Variants in FSD1L observed in about 807,000 individuals in gnomAD.
FSD1L encodes fibronectin type III and SPRY domain containing 1 like, also known as FSD1-like protein.
Under a neutral mutation model 71.6 loss-of-function variants are expected in FSD1L, and 45 were observed. The observed-to-expected ratio is 0.63, with a 90% CI of 0.49 to 0.81. The LOEUF (loss-of-function observed/expected upper bound fraction) is 0.81. Ranked by LOEUF, FSD1L falls within the 30% of genes least tolerant of loss-of-function variation. The pLI, the probability that FSD1L is intolerant of heterozygous loss-of-function variation, is 0.00. For synonymous variants in FSD1L, 197 were observed against 207.2 expected, an observed-to-expected ratio of 0.95 and a Z score of 0.42; for missense variants, 561 against 618.1, an observed-to-expected ratio of 0.91 and a Z score of 0.98.
At chr9:105,493,446 CTT>C (rs1833103873) in intron 7 of FSD1L, among the ~76,000 whole-genome samples, 1 of 151,644 alleles carries the variant, frequency 6.6e-6, no homozygotes, top group South Asian at 2.1e-4. Flanking sequence ...GGTCTTGACT[CTT>C]TATCCAATTT....
chr9:105,534,082 AAG>A (rs1836107632), intron 10 of FSD1L, among the ~76,000 whole-genome samples: 4 of 152,330 alleles, frequency 2.6e-5, no homozygotes, highest in South Asian at 4.1e-4. Context: ...TGCTTATAAA[AAG>A]AGTTATTTAG....
At position 105,548,787 on chromosome 9, in the gene FSD1L, A is replaced by G. The variant is rs913709642; in HGVS notation, c.*2304A>G. ...TGTATTATTTGATACTAAATTTTCA[A>G]TTATTACTTCAAAATAAGAGTCTGA... On this transcript the variant is annotated 3_prime_UTR_variant, in exon 14 of 14. Transcript: ENST00000481272. The G allele has an allele frequency of 6.6e-5, 10 of 152,208 alleles. No homozygotes were observed. Among genetic ancestry groups the G allele is most frequent in the Middle Eastern group, 3.4e-3 (1 of 294 alleles). The allele number at this position is 152,208 out of a possible 1,614,324, so 9.4% of individuals were successfully genotyped here. A position where few individuals can be genotyped will look rare whatever the true frequency, so the allele number is the denominator to read the frequency against.
chr9:105,525,140 C>T (rs1835427521), intron 10 of FSD1L: 8 of 1,556,718 alleles, frequency 5.1e-6, no homozygotes, highest in East Asian at 2.2e-5. Flanking sequence ...ATCTTTCATG[C>T]TTTCATTGTC....
At chr9:105,491,438 C>G (rs1221803589) in intron 7 of FSD1L, among the ~76,000 whole-genome samples, 1 of 152,130 alleles carries the variant, frequency 6.6e-6, no homozygotes, top group African/African-American at 2.4e-5. Flanking sequence ...ATCATGTCGT[C>G]TGCAAACAGG....
intron 4 of FSD1L, among the ~76,000 whole-genome samples, chr9:105,471,068 A>G (rs1023205360): frequency 6.6e-6 from 1 of 152,126 alleles, no homozygotes; most frequent in African/African-American, 2.4e-5. Flanking sequence ...AATTGTCTTC[A>G]TCTACCACTA....
At chr9:105,450,355 T>C (rs1335752159) in intron 1 of FSD1L, among the ~76,000 whole-genome samples, 1 of 152,198 alleles carries the variant, frequency 6.6e-6, no homozygotes, top group African/African-American at 2.4e-5. Flanking sequence ...GAATGTTTGT[T>C]AGGCATTGGG....
chr9:105,489,018 T>A (rs1832740051), intron 7 of FSD1L, among the ~76,000 whole-genome samples: 2 of 152,144 alleles, frequency 1.3e-5, no homozygotes, highest in African/African-American at 4.8e-5. Context: ...ACAATTTTTT[T>A]AAGTTATAAT....
intron 1 of FSD1L, among the ~76,000 whole-genome samples, chr9:105,449,593 A>C (rs1356059564): frequency 6.6e-6 from 1 of 152,224 alleles, no homozygotes; most frequent in South Asian, 2.1e-4. Context: ...TCATCTATGC[A>C]GTAGAAGTAA....
intron 7 of FSD1L, among the ~76,000 whole-genome samples, chr9:105,489,261 T>A (rs1832760699): frequency 6.6e-6 from 1 of 152,162 alleles, no homozygotes; most frequent in Admixed American, 6.5e-5. Flanking sequence ...TGGGGCCCAC[T>A]GATCTACGAT....
chr9:105,526,451 T>C, intron 10 of FSD1L: 2 of 1,612,788 alleles, frequency 1.2e-6, no homozygotes, highest in Non-Finnish European at 1.7e-6. Context: ...TGACCTGGCC[T>C]CTCCAATGTC....
chr9:105,448,286 A>G (rs1347838204), intron 1 of FSD1L, 51 bp downstream of exon 1: 162 of 726,540 alleles, frequency 2.2e-4, no homozygotes, highest in Non-Finnish European at 2.9e-4. Flanking sequence ...GGGCCGGCAC[A>G]GGGTGGGCGG....
intron 10 of FSD1L, chr9:105,525,586 C>T (rs1400662517): frequency 1.7e-5 from 28 of 1,612,842 alleles, no homozygotes; most frequent in Admixed American, 1.2e-4. Flanking sequence ...CTGGGACAAA[C>T]GGAGGAGCTT....
chr9:105,457,097 A>T (rs564594259), intron 1 of FSD1L, among the ~76,000 whole-genome samples: 1 of 152,334 alleles, frequency 6.6e-6, no homozygotes, highest in African/African-American at 2.4e-5. Context: ...AAATGAAATG[A>T]CTATATGTAA....
chr9:105,447,061 C>G (rs1353296921), upstream of FSD1L, among the ~76,000 whole-genome samples: 1 of 152,132 alleles, frequency 6.6e-6, no homozygotes, highest in Non-Finnish European at 1.5e-5. Flanking sequence ...CTGTAACCCA[C>G]ACCTGTAATC....
Position 105,512,890 on chromosome 9 carries a change from G to C in FSD1L, c.979G>C (p.Gly327Arg). 1.3e-6 allele frequency: 2 copies of C among 1,541,946 alleles called. No homozygotes were observed. The highest frequency in any genetic ancestry group is 1.8e-6 in the Non-Finnish European group (2 of 1,142,570). ...DTCVEWDPTGGKGQESKIKGK... is the reference protein window; with the variant it reads ...DTCVEWDPTGRKGQESKIKGK... ...ATGTGTAGAGTGGGATCCTACTGGA[G>C]GAAAAGGTCAAGAAAGTAAAATTAA... The change falls in exon 10 of 14, where the codon GGA becomes CGA. Residue 327 changes from glycine to arginine, a missense_variant. This residue lies in a region of FSD1L where 410 missense variants were observed against 413.5 expected (regional missense o/e 0.99). Coordinates refer to ENST00000481272, the MANE Select transcript of FSD1L (RefSeq NM_001145313.3).
At chr9:105,526,262 T>G (rs182772260) in intron 10 of FSD1L, 19 of 1,602,724 alleles carry the variant, frequency 1.2e-5, no homozygotes, top group Non-Finnish European at 1.5e-5. Flanking sequence ...CAAACAATTG[T>G]CCAGCACCAC....
chr9:105,490,565 C>A (rs1238371020), intron 7 of FSD1L, among the ~76,000 whole-genome samples: 1 of 148,324 alleles, frequency 6.7e-6, no homozygotes, highest in Non-Finnish European at 1.5e-5. Flanking sequence ...GTGTTTTAGA[C>A]ATGAAGTCCT....
intron 13 of FSD1L, among the ~76,000 whole-genome samples, chr9:105,543,528 C>T (rs544686949): frequency 6.6e-6 from 1 of 152,230 alleles, no homozygotes; most frequent in South Asian, 2.1e-4. Flanking sequence ...TGGTGTGCTG[C>T]ACCCATTAAC....
chr9:105,535,078 A>G lies in FSD1L; in HGVS notation c.1138A>G (p.Ile380Val), dbSNP rs777230168. Residue 380 changes from isoleucine (I) to valine (V), a missense_variant, in exon 12 of 14, where the codon ATT (isoleucine) becomes GTT (valine). Ile to Val is a conservative substitution (Grantham distance 29, BLOSUM62 3). This residue lies in a region of FSD1L where 53 missense variants were observed against 102.2 expected (regional missense o/e 0.52). Transcript: ENST00000481272. ...ESYTVLGDTA[I>V]ESGQHYWEVK... Reference sequence around the variant, plus strand: ...CTGATCTTTTGTAGGAGACACTGCTATTGAAAGTGGACAACATTATTGGGA... The same window carrying G: ...CTGATCTTTTGTAGGAGACACTGCTGTTGAAAGTGGACAACATTATTGGGA... 7.7e-6 allele frequency: 12 copies of G among 1,551,574 alleles called. No homozygotes were observed. Among genetic ancestry groups the G allele is most frequent in the South Asian group, 3.6e-5 (3 of 84,050 alleles).
Sources: gnomAD v4.1 joint callset for allele counts (sites outside exome capture counted in the v4.1 genomes callset) on GRCh38, gnomAD v4.1.1 for gene constraint, gnomAD v4.1.1 regional missense constraint, MANE v1.5 for transcripts, NCBI Gene and HGNC (gene_info 2026-07-23, HGNC 2026-07-21) for gene names.